NBPF11: variants seen among roughly 807,000 people sequenced by gnomAD.
NBPF11 encodes NBPF member 11.
Under a neutral mutation model 93.9 loss-of-function variants are expected in NBPF11, and 72 were observed. The observed-to-expected ratio is 0.77, with a 90% CI of 0.63 to 0.93. The LOEUF (loss-of-function observed/expected upper bound fraction) is 0.93. NBPF11 is among the 40% of genes least tolerant of loss of function. The pLI is 0.00. For synonymous variants in NBPF11, 224 were observed against 304.9 expected, an observed-to-expected ratio of 0.73 and a Z score of 2.76; for missense variants, 705 against 802.2, an observed-to-expected ratio of 0.88 and a Z score of 1.46.
intron 22 of NBPF11, 117 bp downstream of exon 22, chr1:148,105,243 A>G (rs1663257998): frequency 3.2e-6 from 2 of 630,678 alleles, no homozygotes; most frequent in Non-Finnish European, 5.6e-6. Context: ...ATGTGCCTAT[A>G]GGTCCTCACT....
intron 4 of NBPF11, chr1:148,129,375 G>A (rs1669898809): frequency 6.7e-6 from 1 of 150,100 alleles, no homozygotes; most frequent in Non-Finnish European, 1.5e-5. Context: ...TAGCAGAGTC[G>A]TGGCGAGGAG....
rs1440694614 is a variant in NBPF11, at chr1:148,124,432, C to T, written c.279-365G>A. 1.1e-4 allele frequency among the ~76,000 whole-genome samples: 17 copies of T among 148,258 alleles called. 1 individual carries two copies. The highest frequency in any genetic ancestry group is 4.0e-4 in the African/African-American group (16 of 39,674). ...ATCTTGCGGCCACTAGATACAAAGC[C>T]ATGTACAGAAATGAGGCCAGGTGCA... On this transcript the variant is annotated intron_variant, in intron 6 of 23. Coordinates refer to ENST00000682118, the MANE Select transcript of NBPF11 (RefSeq NM_001385469.3).
Position 148,152,257 on chromosome 1 carries a change from G to C in NBPF11, c.-1056C>G, listed in dbSNP as rs1648577674. 6.6e-6 allele frequency: 1 copy of C among 152,108 alleles called. No homozygotes were observed. Among genetic ancestry groups the C allele is most frequent in the South Asian group, 2.1e-4 (1 of 4,838 alleles). The allele number at this position is 152,108 out of a possible 1,614,324, so 9.4% of individuals were successfully genotyped here. Reference sequence around the variant, plus strand: ...GGGAGACACACCCCCTCGGAAGCCCGGAGCTACCCCGCGTTTAGGACTGCA... The same window carrying C: ...GGGAGACACACCCCCTCGGAAGCCCCGAGCTACCCCGCGTTTAGGACTGCA... On this transcript the variant is annotated 5_prime_UTR_variant, in exon 1 of 24. Coordinates refer to ENST00000682118, the MANE Select transcript of NBPF11 (RefSeq NM_001385469.3).
In NBPF11 at chr1:148,108,489, G is replaced by T; in HGVS notation, c.2019C>A (p.Asp673Glu). The T allele has an allele frequency of 6.4e-7, 1 of 1,563,566 alleles. No homozygotes were observed. Among genetic ancestry groups the T allele is most frequent in the Non-Finnish European group, 8.8e-7 (1 of 1,137,886 alleles). ...LEQQRIGLAV[D>E]MDEIEKYQEV... ...TCATAGAAAGGTACTCACCATCCATGTCAACAGCCAAGCCAATACGCTGTT... is the reference window on the plus strand; with the variant it reads ...TCATAGAAAGGTACTCACCATCCATTTCAACAGCCAAGCCAATACGCTGTT... The change falls in exon 18 of 24, where the codon GAC becomes GAA. Residue 673 changes from aspartate to glutamate, a missense_variant. Asp to Glu is a conservative substitution (Grantham distance 45). Transcript: ENST00000682118.
Position 148,108,508 on chromosome 1 carries a change from C to A in NBPF11, c.2000G>T (p.Arg667Leu), listed in dbSNP as rs202171001. 1.3e-6 allele frequency: 2 copies of A among 1,591,810 alleles called. No individual in the cohort carries two copies. Among genetic ancestry groups the A allele is most frequent in the Non-Finnish European group, 1.7e-6 (2 of 1,164,196 alleles). ...RSAFYVLEQQ[R>L]IGLAVDMDEI... ...ATCCATGTCAACAGCCAAGCCAATA[C>A]GCTGTTGCTCCAATACGTAAAAGGC... Residue 667 changes from arginine to leucine, a missense_variant, in exon 18 of 24, where the codon CGT (arginine) becomes CTT (leucine). Arg to Leu is a moderately radical substitution (Grantham distance 102). Around this residue, in one of 12 missense-constraint regions of NBPF11, gnomAD observed 97 missense variants for 65.0 expected, o/e 1.49. Transcript: ENST00000682118.
rs1214460056 is a variant in NBPF11, at chr1:148,112,674, T to C, written c.1637+1763A>G. On this transcript the variant is annotated intron_variant, in intron 15 of 23. Coordinates refer to ENST00000682118, the MANE Select transcript of NBPF11 (RefSeq NM_001385469.3). ...AATCCTTTGGGTATACACCCAGTAA[T>C]GGGATGGCTGGGTCAAATGGTATTT... is the stretch of plus-strand genomic sequence containing the variant. Among the ~76,000 whole-genome samples the C allele has an allele frequency of 1.6e-3, 231 of 143,214 alleles. 2 individuals carry two copies. The highest frequency in any genetic ancestry group is 5.3e-3 in the African/African-American group (200 of 37,886). The allele number at this position is 143,214 out of a possible 152,430, so 94.0% of individuals were successfully genotyped here.
At chr1:148,130,714 T>A (rs1394207179) in intron 4 of NBPF11, among the ~76,000 whole-genome samples, 3 of 151,658 alleles carry the variant, frequency 2.0e-5, no homozygotes, top group African/African-American at 7.3e-5. Flanking sequence ...CGTTTACAAA[T>A]GGATGCACTA....
rs1286889885 is a variant in NBPF11, at chr1:148,136,950, G to A, written c.-178+761C>T. 5.3e-4 allele frequency among the ~76,000 whole-genome samples: 80 copies of A among 151,936 alleles called. 1 individual carries two copies. The highest frequency in any genetic ancestry group is 1.7e-3 in the African/African-American group (72 of 41,264). Reference sequence around the variant, plus strand: ...TTTCATGTTGAACTAATGCTTTAATGACATGAAATCTGGAAACCTCAGGGG... The same window carrying A: ...TTTCATGTTGAACTAATGCTTTAATAACATGAAATCTGGAAACCTCAGGGG... On this transcript the variant is annotated intron_variant, in intron 3 of 23. Transcript: ENST00000682118.
At chr1:148,133,658 C>A (rs1332528475) in intron 4 of NBPF11, among the ~76,000 whole-genome samples, 1 of 151,640 alleles carries the variant, frequency 6.6e-6, no homozygotes. Context: ...AAAAAAGAGG[C>A]CGGGCATGGT....
At chr1:148,121,941 TC>T in intron 9 of NBPF11, 113 bp downstream of exon 9, 1 of 894,350 alleles carries the variant, frequency 1.1e-6, no homozygotes, top group East Asian at 2.4e-5. Context: ...AGCACCTAGC[TC>T]CATCCTAGTT....
chr1:148,127,682 G>A (rs1182866019), intron 4 of NBPF11, among the ~76,000 whole-genome samples: 8 of 103,876 alleles, frequency 7.7e-5, no homozygotes, highest in Admixed American at 2.4e-4. Context: ...TCACTCTGTC[G>A]CCCAGGCTGG....
chr1:148,121,503 G>A (rs1159005926), intron 9 of NBPF11, among the ~76,000 whole-genome samples: 30 of 151,132 alleles, frequency 2.0e-4, no homozygotes, highest in South Asian at 4.2e-4. Flanking sequence ...GCCCACCACC[G>A]CGCCCAGCTA....
At position 148,126,859 on chromosome 1, in the gene NBPF11, C is replaced by G. The variant is rs1553273223; in HGVS notation, c.145G>C (p.Gly49Arg). 9.9e-6 allele frequency: 15 copies of G among 1,511,476 alleles called. No homozygotes were observed. The highest frequency in any genetic ancestry group is 1.3e-5 in the Non-Finnish European group (14 of 1,099,000). The allele number at this position is 1,511,476 out of a possible 1,614,324, so 93.6% of individuals were successfully genotyped here. ...KERCFLTQLA[G>R]FLANRQKKYK... is the part of the protein sequence containing the mutation. ...TTCTTCTGTCGGTTGGCCAGGAAGC[C>G]GGCCAGTTGAGTTAGAAAACATCTC... Residue 49 changes from glycine to arginine, a missense_variant, in exon 5 of 24, where the codon GGC becomes CGC. Gly to Arg is a moderately radical substitution (Grantham distance 125). This residue lies in a region of NBPF11 where 128 missense variants were observed against 112.8 expected (regional missense o/e 1.14). Transcript: ENST00000682118.
rs1666577985 is a variant in NBPF11, at chr1:148,116,479, T to A, written c.1363A>T (p.Lys455Ter). 1 of 748,270 alleles carries A rather than the reference T, an allele frequency of 1.3e-6. No homozygotes were observed. Among genetic ancestry groups the A allele is most frequent in the African/African-American group, 1.7e-5 (1 of 57,316 alleles). 46.4% of individuals were successfully genotyped at this position (748,270 alleles called of 1,614,324 possible). A position where few individuals can be genotyped will look rare whatever the true frequency, so the allele number is the denominator to read the frequency against. The change falls in exon 13 of 24, where the codon AAA (lysine) becomes TAA (stop). Residue 455 changes from lysine (K) to a stop codon, truncating the protein, a stop_gained. Coordinates refer to ENST00000682118, the MANE Select transcript of NBPF11 (RefSeq NM_001385469.3). LOFTEE classifies it high-confidence loss of function. ...VQVEVAEKVQ[K>*]SSSPREMQKA... ...CAGTGTTACCTGGGGGAAGACGATT[T>A]CTGCACTTTCTCAGCCACCTCAACT... is the stretch of plus-strand genomic sequence containing the variant.
intron 15 of NBPF11, among the ~76,000 whole-genome samples, chr1:148,111,730 C>A (rs1249683745): frequency 6.6e-6 from 1 of 151,742 alleles, no homozygotes; most frequent in African/African-American, 2.4e-5. Context: ...AATGAACAAG[C>A]CTCCAATAAA....
At chr1:148,147,082 G>T (rs1224983813) in intron 1 of NBPF11, among the ~76,000 whole-genome samples, 1 of 152,140 alleles carries the variant, frequency 6.6e-6, no homozygotes, top group Admixed American at 6.5e-5. Context: ...GAGCTTGGGT[G>T]TGCAGGTGCC....
rs1286719560 is a variant in NBPF11, at chr1:148,146,273, C to T, written c.-548-2587G>A. On this transcript the variant is annotated intron_variant, in intron 1 of 23. Coordinates refer to ENST00000682118, the MANE Select transcript of NBPF11 (RefSeq NM_001385469.3). ...ACGGGGCTGCTGTCTGGGGCGGTAGCTGGGGGGGCGCTCTCCCCCCTGCCC... is the reference window on the plus strand; with the variant it reads ...ACGGGGCTGCTGTCTGGGGCGGTAGTTGGGGGGGCGCTCTCCCCCCTGCCC... The T allele has an allele frequency of 8.6e-6, 11 of 1,275,436 alleles. No homozygotes were observed. In the African/African-American group the frequency reaches 1.5e-4, roughly 17 times the overall value. 79.0% of individuals were successfully genotyped at this position (1,275,436 alleles called of 1,614,324 possible). A position where few individuals can be genotyped will look rare whatever the true frequency, so the allele number is the denominator to read the frequency against.
chr1:148,150,486 A>G (rs1353938347), intron 1 of NBPF11, among the ~76,000 whole-genome samples: 43 of 150,504 alleles, frequency 2.9e-4, no homozygotes, highest in Non-Finnish European at 4.1e-4. Flanking sequence ...GTTCTCAGAA[A>G]TCTTAAAGCT....
chr1:148,148,870 A>AC (rs1201136070), intron 1 of NBPF11, among the ~76,000 whole-genome samples: 1 of 151,126 alleles, frequency 6.6e-6, no homozygotes, highest in African/African-American at 2.4e-5. Context: ...GGCCTCCCTT[A>AC]CCCCCGCCCC....
Sources: allele counts gnomAD v4.1 joint callset (sites outside exome capture counted in the v4.1 genomes callset), GRCh38; gene constraint gnomAD v4.1.1; regional missense constraint gnomAD v4.1.1; transcripts MANE v1.5; gene names NCBI Gene and HGNC (gene_info 2026-07-23, HGNC 2026-07-21).